The following RPS6KA5 variants were observed in gnomAD, a reference collection of about 807,000 sequenced individuals.
RPS6KA5 encodes ribosomal protein S6 kinase A5, also known as ribosomal protein S6 kinase alpha-5.
A neutral mutation model predicts 85.5 loss-of-function variants in RPS6KA5; 27 were observed. The observed-to-expected ratio is 0.32, with a 90% CI of 0.23 to 0.44. The LOEUF (loss-of-function observed/expected upper bound fraction) is 0.44, where lower values mean the gene tolerates loss of function less well. RPS6KA5 is among the 20% of genes least tolerant of loss of function. RPS6KA5 has a pLI of 1.00. For synonymous variants in RPS6KA5, 334 were observed against 348.2 expected, an observed-to-expected ratio of 0.96 and a Z score of 0.46; for missense variants, 811 against 980.9, an observed-to-expected ratio of 0.83 and a Z score of 2.31.
intron 2 of RPS6KA5, among the ~76,000 whole-genome samples, chr14:90,987,776 G>T (rs76538272): frequency 6.6e-6 from 1 of 152,016 alleles, no homozygotes; most frequent in Non-Finnish European, 1.5e-5. Context: ...AGGACACCAG[G>T]GACCAAGGTA....
At chr14:90,940,646 T>C (rs977617515) in intron 5 of RPS6KA5, among the ~76,000 whole-genome samples, 3 of 152,108 alleles carry the variant, frequency 2.0e-5, no homozygotes, top group African/African-American at 4.8e-5. Flanking sequence ...TTTTAATGAG[T>C]GTACTACCAG....
intron 3 of RPS6KA5, among the ~76,000 whole-genome samples, chr14:90,954,014 C>T (rs2038370579): frequency 1.3e-5 from 2 of 152,152 alleles, no homozygotes; most frequent in African/African-American, 4.8e-5. Context: ...TTCTAACACC[C>T]CCTCCCCTTT....
chr14:91,040,010 A>C (rs1452085250), intron 1 of RPS6KA5, among the ~76,000 whole-genome samples: 2 of 152,252 alleles, frequency 1.3e-5, no homozygotes, highest in African/African-American at 4.8e-5. Flanking sequence ...TAACTGACAC[A>C]ACTAGGAGAG....
intron 1 of RPS6KA5, among the ~76,000 whole-genome samples, chr14:91,043,694 CTTACT>C (rs1403083517): frequency 6.6e-6 from 1 of 152,194 alleles, no homozygotes; most frequent in Non-Finnish European, 1.5e-5. Flanking sequence ...GCATCTCAAA[CTTACT>C]TTGATAGGTA....
In RPS6KA5 at chr14:90,852,600, T is replaced by A. The variant is rs1420532067; in HGVS notation, c.*19474A>T. ...AAAGAATTGGTATTTAATGCTGCAA[T>A]GGAGTACTAACCACTAATTTCCAGT... is the stretch of plus-strand genomic sequence containing the variant. On this transcript the variant is annotated 3_prime_UTR_variant, in exon 17 of 17. Transcript: ENST00000614987. The A allele has an allele frequency of 6.6e-6, 1 of 152,192 alleles. No individual in the cohort carries two copies. The highest frequency in any genetic ancestry group is 1.5e-5 in the Non-Finnish European group (1 of 68,042). 9.4% of individuals were successfully genotyped at this position (152,192 alleles called of 1,614,324 possible).
At chr14:91,047,071 A>C (rs558284501) in intron 1 of RPS6KA5, among the ~76,000 whole-genome samples, 131 of 151,932 alleles carry the variant, frequency 8.6e-4, no homozygotes, top group Middle Eastern at 6.8e-3. Context: ...AAAGAAGAAG[A>C]AGCAAAACAC....
intron 3 of RPS6KA5, among the ~76,000 whole-genome samples, chr14:90,950,710 C>T (rs184547381): frequency 6.6e-6 from 1 of 152,266 alleles, no homozygotes; most frequent in South Asian, 2.1e-4. Context: ...GGTTGGTAAA[C>T]CAATCTTGCA....
chr14:91,001,220 G>A, intron 1 of RPS6KA5, 61 bp from the exon 2 acceptor site: 1 of 1,052,348 alleles, frequency 9.5e-7, no homozygotes, highest in South Asian at 1.4e-5. Context: ...AGGCTCCTGG[G>A]GGATTCTTGT....
chr14:90,983,269 T>A (rs913437817), intron 2 of RPS6KA5, among the ~76,000 whole-genome samples: 1 of 136,492 alleles, frequency 7.3e-6, no homozygotes, highest in Admixed American at 7.8e-5. Flanking sequence ...AGAGCAGGAC[T>A]CCATCTCAAA....
rs185201253 is a variant in RPS6KA5 at position 91,026,420 on chromosome 14, G to A, written c.104-25261C>T. On this transcript the variant is annotated intron_variant, in intron 1 of 16. Transcript: ENST00000614987. ...TAATTTTTTTTTTCCCAGTAGAGAC[G>A]AGGTCTCACAACATTGCTTAGGCTA... Among the ~76,000 whole-genome samples, 15 of 151,986 alleles carry A rather than the reference G, an allele frequency of 9.9e-5. No homozygotes were observed. In the South Asian group the frequency reaches 1.2e-3, roughly 13 times the overall value.
chr14:90,942,660 G>A (rs76025802), intron 5 of RPS6KA5, among the ~76,000 whole-genome samples: 2,082 of 152,120 alleles, frequency 0.014, 58 homozygotes, highest in African/African-American at 0.047. Flanking sequence ...CTTGTCAAGC[G>A]AATTCAAAGG....
chr14:90,915,493 G>A (rs2036070060), intron 7 of RPS6KA5, among the ~76,000 whole-genome samples: 1 of 152,120 alleles, frequency 6.6e-6, no homozygotes, highest in African/African-American at 2.4e-5. Context: ...CGTAAAAGAT[G>A]TTCTATACAG....
chr14:90,876,909 G>C (rs1478147058), intron 14 of RPS6KA5, among the ~76,000 whole-genome samples: 1 of 152,198 alleles, frequency 6.6e-6, no homozygotes, highest in Non-Finnish European at 1.5e-5. Flanking sequence ...AAGTAGGCTT[G>C]TCCTCACTAT....
At chr14:90,875,657 G>A (rs2033412078) in intron 14 of RPS6KA5, among the ~76,000 whole-genome samples, 1 of 151,814 alleles carries the variant, frequency 6.6e-6, no homozygotes, top group Admixed American at 6.6e-5. Flanking sequence ...CAACCCAAAT[G>A]TCCAACAACG....
At chr14:91,052,966 T>G (rs988917895) in intron 1 of RPS6KA5, among the ~76,000 whole-genome samples, 4 of 152,138 alleles carry the variant, frequency 2.6e-5, no homozygotes, top group Admixed American at 6.5e-5. Flanking sequence ...TACAAATCCT[T>G]AATAAAATAC....
intron 1 of RPS6KA5, among the ~76,000 whole-genome samples, chr14:91,036,239 G>A (rs1424452448): frequency 6.6e-6 from 1 of 152,212 alleles, no homozygotes; most frequent in African/African-American, 2.4e-5. Flanking sequence ...CCAGACCACT[G>A]AGGACTTGGA....
At chr14:90,893,937 C>T (rs371956494) in intron 13 of RPS6KA5, 69 of 787,086 alleles carry the variant, frequency 8.8e-5, no homozygotes, top group African/African-American at 4.9e-4. Context: ...CATAGAAAGA[C>T]GGCATAACTA....
intron 12 of RPS6KA5, among the ~76,000 whole-genome samples, chr14:90,896,027 G>A (rs1284572984): frequency 6.6e-6 from 1 of 152,180 alleles, no homozygotes; most frequent in Admixed American, 6.6e-5. Flanking sequence ...GTTTCTTTCT[G>A]TATTAGCAAA....
intron 14 of RPS6KA5, among the ~76,000 whole-genome samples, chr14:90,887,817 T>C (rs1351097801): frequency 6.8e-6 from 1 of 148,094 alleles, no homozygotes; most frequent in Non-Finnish European, 1.5e-5. Flanking sequence ...AAAAATTAGC[T>C]GGGGTATGGT....
Sources: allele counts gnomAD v4.1 joint callset (sites outside exome capture counted in the v4.1 genomes callset), GRCh38; gene constraint gnomAD v4.1.1; transcripts MANE v1.5; gene names NCBI Gene and HGNC (gene_info 2026-07-23, HGNC 2026-07-21).